Variants in DAP observed in about 807,000 individuals in gnomAD.
The protein encoded by DAP is death-associated protein 1.
In DAP, 8 loss-of-function variants were observed where a neutral mutation model predicts 13.8. That is an observed-to-expected ratio of 0.58 (90% CI 0.34 to 1.05). The LOEUF is 1.05. DAP is among the 50% of genes least tolerant of loss of function. DAP has a pLI of 0.03. For missense variants in DAP, 106 were observed against 133.2 expected (o/e 0.80, Z 1.01); for synonymous variants, 47 against 47.5 (o/e 0.99, Z 0.04).
chr5:10,709,906 C>T (rs939403796), intron 2 of DAP, among the ~76,000 whole-genome samples: 2 of 152,198 alleles, frequency 1.3e-5, no homozygotes, highest in African/African-American at 4.8e-5. Context: ...GGTATGGATT[C>T]ACCTGGGACT....
chr5:10,718,703 A>G (rs368933841), intron 2 of DAP, among the ~76,000 whole-genome samples: 2 of 152,216 alleles, frequency 1.3e-5, no homozygotes, highest in African/African-American at 4.8e-5. Context: ...TCATTGCTTG[A>G]GCAAATTAAC....
intron 2 of DAP, among the ~76,000 whole-genome samples, chr5:10,713,514 A>G (rs2126653544): frequency 6.6e-6 from 1 of 152,336 alleles, no homozygotes; most frequent in Admixed American, 6.5e-5. Context: ...CAAGGCTGGC[A>G]TCTTCTCATC....
chr5:10,692,741 T>C (rs890939509), intron 2 of DAP, among the ~76,000 whole-genome samples: 1 of 152,094 alleles, frequency 6.6e-6, no homozygotes, highest in Admixed American at 6.5e-5. Context: ...AATAATACTT[T>C]CCCCTGGGCT....
chr5:10,747,578 G>A (rs756238357), intron 2 of DAP, among the ~76,000 whole-genome samples: 3 of 152,206 alleles, frequency 2.0e-5, no homozygotes, highest in Admixed American at 6.5e-5. Context: ...CAACTAGTGC[G>A]GCAATTCTCA....
chr5:10,687,905 C>CTTT (rs1199947263), intron 2 of DAP, among the ~76,000 whole-genome samples: 1,210 of 110,616 alleles, frequency 0.011, 53 homozygotes, highest in African/African-American at 0.044. Flanking sequence ...TCATTGTTGT[C>CTTT]TTTTTTTTTT....
intron 2 of DAP, among the ~76,000 whole-genome samples, chr5:10,712,313 T>C (rs116069529): frequency 0.017 from 2,518 of 150,772 alleles, 50 homozygotes; most frequent in African/African-American, 0.055. Flanking sequence ...TGGCACTTTG[T>C]TAAGGCAACC....
chr5:10,740,490 A>C (rs989584014), intron 2 of DAP, among the ~76,000 whole-genome samples: 1 of 152,258 alleles, frequency 6.6e-6, no homozygotes, highest in Admixed American at 6.5e-5. Flanking sequence ...GGTGCATCAC[A>C]AACACACTGT....
At chr5:10,759,588 G>C (rs1412620201) in intron 1 of DAP, among the ~76,000 whole-genome samples, 3 of 152,154 alleles carry the variant, frequency 2.0e-5, no homozygotes, top group African/African-American at 4.8e-5. Context: ...TTCTTTCCCA[G>C]TGCCAGTTAG....
intron 1 of DAP, among the ~76,000 whole-genome samples, chr5:10,756,393 A>AGGCGAG (rs1347911878): frequency 2.3e-4 from 35 of 152,192 alleles, no homozygotes; most frequent in Non-Finnish European, 2.8e-4. Flanking sequence ...GGATAATCTG[A>AGGCGAG]AAGTCTTTCT....
At chr5:10,732,506 C>T (rs924798294) in intron 2 of DAP, among the ~76,000 whole-genome samples, 1 of 152,214 alleles carries the variant, frequency 6.6e-6, no homozygotes, top group Non-Finnish European at 1.5e-5. Context: ...TCCTCCATGA[C>T]TGTATCATTA....
rs370786403 is a variant in DAP, at chr5:10,681,019, G to C, written c.*37C>G. 2.6e-6 allele frequency: 4 copies of C among 1,562,916 alleles called. No individual in the cohort carries two copies. Among genetic ancestry groups the C allele is most frequent in the Non-Finnish European group, 3.5e-6 (4 of 1,152,828 alleles). ...TGTCAGGGAAATACCAAGTGCAGCA[G>C]AGCCGGGGCCATGGGGCAGGCTGGT... On this transcript the variant is annotated 3_prime_UTR_variant, in exon 4 of 4. Coordinates refer to ENST00000230895, the MANE Select transcript of DAP (RefSeq NM_004394.3).
intron 2 of DAP, among the ~76,000 whole-genome samples, chr5:10,703,775 G>A (rs1208894700): frequency 1.3e-5 from 2 of 152,184 alleles, no homozygotes; most frequent in Non-Finnish European, 2.9e-5. Context: ...GCCTGGGTGT[G>A]GGGGGCACAG....
intron 1 of DAP, among the ~76,000 whole-genome samples, chr5:10,756,015 G>A (rs1273066382): frequency 6.6e-6 from 1 of 152,212 alleles, no homozygotes; most frequent in African/African-American, 2.4e-5. Context: ...GGTTGTGGTG[G>A]TGCACACCTG....
chr5:10,700,687 G>C (rs1738555213), intron 2 of DAP, among the ~76,000 whole-genome samples: 1 of 152,214 alleles, frequency 6.6e-6, no homozygotes, highest in South Asian at 2.1e-4. Flanking sequence ...TGCCTGCCCA[G>C]TGCTGGGTGC....
At chr5:10,747,474 T>C (rs1405146655) in intron 2 of DAP, among the ~76,000 whole-genome samples, 2 of 152,194 alleles carry the variant, frequency 1.3e-5, no homozygotes, top group Non-Finnish European at 2.9e-5. Context: ...ATTCTAGATC[T>C]GGCTGATGAT....
intron 2 of DAP, among the ~76,000 whole-genome samples, chr5:10,721,064 T>C (rs138563260): frequency 9.3e-4 from 141 of 152,354 alleles, no homozygotes; most frequent in African/African-American, 3.2e-3. Flanking sequence ...GCTGGATTGA[T>C]AGAACAGTGG....
intron 2 of DAP, among the ~76,000 whole-genome samples, chr5:10,722,434 A>T (rs528806947): frequency 6.6e-6 from 1 of 152,216 alleles, no homozygotes; most frequent in East Asian, 1.9e-4. Flanking sequence ...GCTTGCAGAC[A>T]GCCTACTGTG....
intron 2 of DAP, among the ~76,000 whole-genome samples, chr5:10,729,223 G>A (rs1739374695): frequency 6.6e-6 from 1 of 152,194 alleles, no homozygotes; most frequent in Non-Finnish European, 1.5e-5. Flanking sequence ...CAGAGGTCAT[G>A]CTCTGCTGTT....
intron 3 of DAP, chr5:10,683,001 ACTCC>A (rs968964665): frequency 3.9e-5 from 7 of 180,972 alleles, no homozygotes; most frequent in Non-Finnish European, 4.6e-5. Context: ...CTCAGGAGGG[ACTCC>A]CTATTTTCCA....
Sources: gnomAD v4.1 joint callset for allele counts (sites outside exome capture counted in the v4.1 genomes callset) on GRCh38, gnomAD v4.1.1 for gene constraint, MANE v1.5 for transcripts, NCBI Gene and HGNC (gene_info 2026-07-23, HGNC 2026-07-21) for gene names.